LMBR1: variants seen among roughly 807,000 people sequenced by gnomAD.
LMBR1 encodes the protein limb development membrane protein 1.
In LMBR1, 52 loss-of-function variants were observed where a neutral mutation model predicts 73.9. That is an observed-to-expected ratio of 0.70 (90% CI 0.56 to 0.89). The LOEUF is 0.89. LMBR1 is among the 40% of genes least tolerant of loss of function. The pLI is 0.00. For missense variants in LMBR1, 539 were observed against 579.8 expected (o/e 0.93, Z 0.72); for synonymous variants, 215 against 209.4 (o/e 1.03, Z -0.23).
chr7:156,837,425 C>T (rs1200851453), intron 1 of LMBR1, among the ~76,000 whole-genome samples: 6 of 145,950 alleles, frequency 4.1e-5, no homozygotes, highest in African/African-American at 1.5e-4. Context: ...AAAAAAAAAG[C>T]CCAATGGAGA....
chr7:156,869,739 T>C (rs1312196012), intron 1 of LMBR1, among the ~76,000 whole-genome samples: 1 of 152,172 alleles, frequency 6.6e-6, no homozygotes, highest in Non-Finnish European at 1.5e-5. Context: ...GATCCAACTA[T>C]ATGCTATTAC....
At chr7:156,709,529 C>T (rs1473274316) in intron 15 of LMBR1, among the ~76,000 whole-genome samples, 1 of 152,224 alleles carries the variant, frequency 6.6e-6, no homozygotes, top group Non-Finnish European at 1.5e-5. Flanking sequence ...GACCACATCA[C>T]AAGACTCTTT....
At chr7:156,751,761 G>A (rs907121587) in intron 9 of LMBR1, among the ~76,000 whole-genome samples, 5 of 152,210 alleles carry the variant, frequency 3.3e-5, no homozygotes, top group African/African-American at 1.2e-4. Flanking sequence ...GTAGCTGGAA[G>A]AATGATTTGT....
intron 8 of LMBR1, among the ~76,000 whole-genome samples, chr7:156,758,508 G>C (rs906568478): frequency 2.0e-5 from 3 of 152,190 alleles, no homozygotes; most frequent in African/African-American, 7.2e-5. Flanking sequence ...TTGGGTCATG[G>C]GGGTGGATCT....
Position 156,833,776 on chromosome 7 carries a change from T to A in LMBR1, c.156A>T (p.Glu52Asp). The change falls in exon 3 of 17, where the codon GAA (glutamate) becomes GAT (aspartate). Residue 52 changes from glutamate to aspartate, a missense_variant. Glu to Asp is a conservative substitution (Grantham distance 45, BLOSUM62 2). Coordinates refer to ENST00000353442, the MANE Select transcript of LMBR1 (RefSeq NM_022458.4). ...YKRKSDEQED[E>D]DAIVNRISLF... ...ACGAAATCCTGTTGACGATGGCATC[T>A]TCATCTTCTTGTTCATCTGCAAAAA... 6.3e-7 allele frequency: 1 copy of A among 1,598,404 alleles called. No homozygotes were observed.
intron 1 of LMBR1, 105 bp downstream of exon 1, chr7:156,892,823 G>C: frequency 1.9e-6 from 1 of 514,654 alleles, no homozygotes. Flanking sequence ...GAGGCGCGAG[G>C]CGAGGCCCGG....
chr7:156,789,232 C>T lies in LMBR1; in HGVS notation c.423+7157G>A, dbSNP rs539151001. ...TTGCCTGCTGATCTTATTTTTAATC[C>T]CTAAAAGAAGACACATTCACATACA... On this transcript the variant is annotated intron_variant, in intron 5 of 16. Transcript: ENST00000353442. Among the ~76,000 whole-genome samples, 6 of 151,966 alleles carry T rather than the reference C, an allele frequency of 3.9e-5. No individual in the cohort carries two copies. In the South Asian group the frequency reaches 1.2e-3, roughly 32 times the overall value.
At position 156,744,978 on chromosome 7, in the gene LMBR1, T is replaced by C. The variant is rs569879834; in HGVS notation, c.758-10721A>G. On this transcript the variant is annotated intron_variant, in intron 9 of 16. Transcript: ENST00000353442. ...CTCTGACCATCTCAGCCTTCACTTA[T>C]ACCAACTCTTGTGAGTACAGTGGGC... Among the ~76,000 whole-genome samples the C allele has an allele frequency of 5.9e-5, 9 of 152,270 alleles. No homozygotes were observed. In the East Asian group the frequency reaches 1.5e-3, roughly 26 times the overall value.
intron 4 of LMBR1, among the ~76,000 whole-genome samples, chr7:156,804,495 A>T (rs1585904836): frequency 6.6e-6 from 1 of 152,260 alleles, no homozygotes; most frequent in African/African-American, 2.4e-5. Flanking sequence ...TCTCACCAGC[A>T]GAGATCAAGT....
intron 1 of LMBR1, among the ~76,000 whole-genome samples, chr7:156,883,518 C>T (rs1586456645): frequency 1.3e-5 from 2 of 152,298 alleles, no homozygotes; most frequent in East Asian, 1.9e-4. Context: ...TATACAGGGA[C>T]AGCAGTGAAA....
At chr7:156,698,582 G>A (rs1808871805) in intron 15 of LMBR1, among the ~76,000 whole-genome samples, 1 of 152,230 alleles carries the variant, frequency 6.6e-6, no homozygotes, top group Non-Finnish European at 1.5e-5. Context: ...AGCTGCCAAA[G>A]CTTGGGGCTT....
In LMBR1 at chr7:156,810,648, T is replaced by G. The variant is rs189046655; in HGVS notation, c.320-14156A>C. On this transcript the variant is annotated intron_variant, in intron 4 of 16. Coordinates refer to ENST00000353442, the MANE Select transcript of LMBR1 (RefSeq NM_022458.4). ...CCTCAAGTGATCCACCCACCCAGGC[T>G]TCCCAAAGTGCTGGGATTACAGGTG... Among the ~76,000 whole-genome samples, 203 of 151,172 alleles carry G rather than the reference T, an allele frequency of 1.3e-3. 3 individuals are homozygous for G. Among genetic ancestry groups the G allele is most frequent in the African/African-American group, 4.8e-3 (199 of 41,244 alleles).
chr7:156,787,138 T>C (rs1828256772), intron 5 of LMBR1, among the ~76,000 whole-genome samples: 3 of 152,174 alleles, frequency 2.0e-5, no homozygotes, highest in Non-Finnish European at 4.4e-5. Context: ...CTTTAAAATC[T>C]GCCCTTTGCC....
At chr7:156,861,898 T>C (rs774478328) in intron 1 of LMBR1, among the ~76,000 whole-genome samples, 1 of 152,242 alleles carries the variant, frequency 6.6e-6, no homozygotes, top group Non-Finnish European at 1.5e-5. Flanking sequence ...ATCTGCATTT[T>C]TGTCAAAGCC....
chr7:156,783,836 G>C (rs1827595757), intron 5 of LMBR1, among the ~76,000 whole-genome samples: 3 of 152,144 alleles, frequency 2.0e-5, no homozygotes, highest in Admixed American at 2.0e-4. Context: ...CTCCTTCAAT[G>C]GTGTAAGAGA....
chr7:156,744,395 C>T (rs750375147), intron 9 of LMBR1, among the ~76,000 whole-genome samples: 6 of 151,582 alleles, frequency 4.0e-5, no homozygotes, highest in Admixed American at 6.6e-5. Context: ...AAACTAAATC[C>T]AAATCTTTTT....
intron 4 of LMBR1, among the ~76,000 whole-genome samples, chr7:156,816,090 G>A (rs1833872391): frequency 6.6e-6 from 1 of 152,002 alleles, no homozygotes; most frequent in South Asian, 2.1e-4. Context: ...CTTAGGCAAT[G>A]CTCACAAATC....
chr7:156,751,004 A>G (rs56079906), intron 9 of LMBR1, among the ~76,000 whole-genome samples: 67,039 of 151,898 alleles, frequency 0.44, 15,121 homozygotes, highest in East Asian at 0.6. Context: ...TAGCTACTCA[A>G]GAGGCTAAAG....
At chr7:156,871,631 G>T (rs1453020953) in intron 1 of LMBR1, among the ~76,000 whole-genome samples, 1 of 152,140 alleles carries the variant, frequency 6.6e-6, no homozygotes, top group African/African-American at 2.4e-5. Context: ...ATGCAAGAAT[G>T]GTTCAATATA....
Sources: gnomAD v4.1 joint callset for allele counts (sites outside exome capture counted in the v4.1 genomes callset) on GRCh38, gnomAD v4.1.1 for gene constraint, MANE v1.5 for transcripts, NCBI Gene and HGNC (gene_info 2026-07-23, HGNC 2026-07-21) for gene names.